Variants in UGT2B11 observed in about 807,000 individuals in gnomAD.
The protein encoded by UGT2B11 is UDP-glucuronosyltransferase 2B11.
A neutral mutation model predicts 51.7 loss-of-function variants in UGT2B11; 49 were observed. That is an observed-to-expected ratio of 0.95 (90% CI 0.75 to 1.20). The LOEUF (loss-of-function observed/expected upper bound fraction) is 1.20. UGT2B11 is among the 50% of genes most tolerant of loss of function. The pLI is 0.00. For synonymous variants in UGT2B11, 273 were observed against 209.0 expected, an observed-to-expected ratio of 1.31 and a Z score of -2.64; for missense variants, 810 against 622.1, an observed-to-expected ratio of 1.30 and a Z score of -3.21.
intron 2 of UGT2B11, among the ~76,000 whole-genome samples, chr4:69,211,617 T>C (rs987241528): frequency 7.9e-5 from 12 of 151,562 alleles, no homozygotes; most frequent in Non-Finnish European, 1.3e-4. Flanking sequence ...TTTAATATTT[T>C]TTCCACACAA....
At chr4:69,202,455 T>G (rs1284008509) in intron 5 of UGT2B11, among the ~76,000 whole-genome samples, 1 of 151,720 alleles carries the variant, frequency 6.6e-6, no homozygotes, top group Non-Finnish European at 1.5e-5. Flanking sequence ...TCATATAGTC[T>G]TCATGATATT....
intron 3 of UGT2B11, among the ~76,000 whole-genome samples, chr4:69,208,104 G>T (rs528709420): frequency 6.6e-6 from 1 of 151,458 alleles, no homozygotes; most frequent in Admixed American, 6.6e-5. Flanking sequence ...ACGGAGTACT[G>T]AGTTCCCACT....
Position 69,208,360 on chromosome 4 carries a change from G to C in UGT2B11, c.993C>G (p.Ile331Met). 6.2e-7 allele frequency: 1 copy of C among 1,610,802 alleles called. No individual in the cohort carries two copies. The highest frequency in any genetic ancestry group is 8.5e-7 in the Non-Finnish European group (1 of 1,177,954). ...ANVIATALAK[I>M]PQKVLWRFDG... ...AGGCCCTTTATCTTACCTTTTGTGGGATCTTGGCAAGGGCTGTTGCAATTA... is the reference window on the plus strand; with the variant it reads ...AGGCCCTTTATCTTACCTTTTGTGGCATCTTGGCAAGGGCTGTTGCAATTA... The change falls in exon 3 of 6, where the codon ATC becomes ATG. Residue 331 changes from isoleucine to methionine, a missense_variant. By Grantham distance (10) the Ile-to-Met change is conservative. Coordinates refer to ENST00000446444, the MANE Select transcript of UGT2B11 (RefSeq NM_001073.3).
At chr4:69,204,270 T>TAA in intron 5 of UGT2B11, 160 bp downstream of exon 5, 1 of 1,210,488 alleles carries the variant, frequency 8.3e-7, no homozygotes, top group Non-Finnish European at 1.1e-6. Flanking sequence ...AACACAATTT[T>TAA]TAAATAATAG....
chr4:69,210,865 T>C (rs1365624305), intron 2 of UGT2B11, among the ~76,000 whole-genome samples: 2 of 151,676 alleles, frequency 1.3e-5, no homozygotes, highest in Non-Finnish European at 3.0e-5. Context: ...GAAGAATGCT[T>C]ACTTTGTACA....
At chr4:69,222,288 G>A in the UGT2B11 span, among the ~76,000 whole-genome samples, 18 of 152,348 alleles carry the variant, frequency 1.2e-4, no homozygotes, top group African/African-American at 2.6e-4. Context: ...GGCCTTCAAC[G>A]GAATCTGGAG....
upstream of UGT2B11, among the ~76,000 whole-genome samples, chr4:69,219,183 A>G (rs1433298711): frequency 2.0e-5 from 3 of 151,604 alleles, no homozygotes; most frequent in Non-Finnish European, 4.4e-5. Flanking sequence ...CCCTGGTGGC[A>G]GTGGCACTTC....
rs1305615351 is a variant in UGT2B11 at position 69,214,621 on chromosome 4, G to A, written c.102C>T (p.Ser34=). 2.5e-6 allele frequency: 4 copies of A among 1,613,010 alleles called. No individual in the cohort carries two copies. In the Admixed American group the frequency reaches 6.7e-5, roughly 27 times the overall value. ...GGATTGTCTTCATATTCATCCAATGGCTGTATTCTGCGGCCCACACCAGCA... is the reference window on the plus strand; with the variant it reads ...GGATTGTCTTCATATTCATCCAATGACTGTATTCTGCGGCCCACACCAGCA... The part of the protein sequence containing the change: ...GKVLVWAAEY[S]HWMNMKTILK... The change falls in exon 1 of 6, where the codon AGC becomes AGT. Residue 34 remains serine (S), a synonymous_variant. Coordinates refer to ENST00000446444, the MANE Select transcript of UGT2B11 (RefSeq NM_001073.3).
rs776777455 is a variant in UGT2B11 at position 69,213,983 on chromosome 4, C to T, written c.721+19G>A. 4.5e-5 allele frequency: 69 copies of T among 1,539,312 alleles called. No individual in the cohort carries two copies. Among genetic ancestry groups the T allele is most frequent in the South Asian group, 3.0e-4 (23 of 76,078 alleles). On this transcript the variant is annotated intron_variant, in intron 1 of 5. Coordinates refer to ENST00000446444, the MANE Select transcript of UGT2B11 (RefSeq NM_001073.3). ...CAAATAAGTTAGATCTTCACGTTAC[C>T]GATTAAACAAATTCTTACCTAAAAC...
chr4:69,218,146 G>A (rs549959287), upstream of UGT2B11, among the ~76,000 whole-genome samples: 1 of 151,974 alleles, frequency 6.6e-6, no homozygotes, highest in South Asian at 2.1e-4. Flanking sequence ...TTTTTCACAG[G>A]TGTTATTTTC....
intron 2 of UGT2B11, 148 bp downstream of exon 2, chr4:69,212,425 T>C (rs911647260): frequency 1.5e-6 from 2 of 1,371,964 alleles, no homozygotes; most frequent in African/African-American, 3.0e-5. Flanking sequence ...TATTAACATA[T>C]ACATGAGTTT....
Position 69,214,245 on chromosome 4 carries a change from G to A in UGT2B11, c.478C>T (p.Leu160=), listed in dbSNP as rs72551399. 9,782 of 1,613,264 alleles carry A rather than the reference G, an allele frequency of 6.1e-3. 565 individuals are homozygous for A. In the East Asian group the frequency reaches 0.14, roughly 24 times the overall value. ...AACCGTATGTTAAGTAGCGCAGCCA[G>A]CAGCTCACCACAGGGAAAAACAGCA... The part of the protein sequence containing the change: ...ADAVFPCGEL[L]AALLNIRFVY... The change falls in exon 1 of 6, where the codon CTG becomes TTG. Residue 160 remains leucine, a synonymous_variant. Transcript: ENST00000446444.
At chr4:69,218,195 A>G (rs2109959819), upstream of UGT2B11, among the ~76,000 whole-genome samples, 1 of 152,266 alleles carries the variant, frequency 6.6e-6, no homozygotes, top group South Asian at 2.1e-4. Context: ...AAGCATATTC[A>G]GCTTAGAGTC....
intron 5 of UGT2B11, 100 bp downstream of exon 5, chr4:69,204,330 T>C: frequency 6.6e-7 from 1 of 1,509,770 alleles, no homozygotes; most frequent in Non-Finnish European, 8.9e-7. Flanking sequence ...TTAAATTCTT[T>C]CAAGATTACT....
chr4:69,220,078 A>T, the UGT2B11 span, among the ~76,000 whole-genome samples: 2 of 151,970 alleles, frequency 1.3e-5, no homozygotes, highest in African/African-American at 2.4e-5. Context: ...GGATAAATAC[A>T]CTCCTTCTAA....
At chr4:69,220,858 T>A in the UGT2B11 span, among the ~76,000 whole-genome samples, 2 of 152,120 alleles carry the variant, frequency 1.3e-5, no homozygotes, top group Non-Finnish European at 2.9e-5. Flanking sequence ...GCTCTCCGAT[T>A]TTGAAGGACT....
chr4:69,215,025 G>C (rs951356976), upstream of UGT2B11: 4 of 291,116 alleles, frequency 1.4e-5, no homozygotes, highest in Non-Finnish European at 2.5e-5. Context: ...GCAAGTGAGA[G>C]AGTCCTGCAG....
intron 2 of UGT2B11, 76 bp from the exon 3 acceptor site, chr4:69,208,558 T>C: frequency 6.4e-7 from 1 of 1,556,076 alleles, no homozygotes; most frequent in Non-Finnish European, 8.6e-7. Flanking sequence ...GTACCAAATA[T>C]TAAAGAGAGA....
rs150196832 is a variant in UGT2B11 at position 69,200,604 on chromosome 4, G to T, written c.1426C>A (p.Leu476Ile). 4.3e-6 allele frequency: 7 copies of T among 1,612,434 alleles called. No individual in the cohort carries two copies. The highest frequency in any genetic ancestry group is 1.1e-5 in the South Asian group (1 of 91,032). The change falls in exon 6 of 6, where the codon CTT becomes ATT. Residue 476 changes from leucine (L) to isoleucine (I), a missense_variant. Physicochemically the swap from Leu to Ile is conservative, Grantham distance 5 (BLOSUM62 2). Coordinates refer to ENST00000446444, the MANE Select transcript of UGT2B11 (RefSeq NM_001073.3). ...GTGAGGTCATGGGCTGCAACTCGAAGGTGTTTGGCTCCTTTGTGGGGCATG... is the reference window on the plus strand; with the variant it reads ...GTGAGGTCATGGGCTGCAACTCGAATGTGTTTGGCTCCTTTGTGGGGCATG... The part of the protein sequence containing the change: ...FVMPHKGAKH[L>I]RVAAHDLTWF...
Sources: allele counts gnomAD v4.1 joint callset (sites outside exome capture counted in the v4.1 genomes callset), GRCh38; gene constraint gnomAD v4.1.1; transcripts MANE v1.5; gene names NCBI Gene and HGNC (gene_info 2026-07-23, HGNC 2026-07-21).